CFAP47: variants seen among roughly 807,000 people sequenced by gnomAD.
CFAP47 encodes the protein cilia- and flagella-associated protein 47.
Under a neutral mutation model 148.1 loss-of-function variants are expected in CFAP47, and 29 were observed. The ratio of observed to expected loss-of-function variants is 0.20; its 90% CI spans 0.15 to 0.27. The LOEUF (loss-of-function observed/expected upper bound fraction) is 0.27, where lower values mean the gene tolerates loss of function less well. Ranked by LOEUF, CFAP47 falls within the 10% of genes least tolerant of loss-of-function variation. The pLI is 1.00. For missense variants in CFAP47, 1,872 were observed against 1,697.5 expected (o/e 1.10, Z -1.81); for synonymous variants, 664 against 577.3 (o/e 1.15, Z -2.15).
chrX:36,225,400 A>G (rs1268582638), intron 45 of CFAP47, among the ~76,000 whole-genome samples: 9 of 112,054 alleles, frequency 8.0e-5, no homozygotes, highest in African/African-American at 2.9e-4. Context: ...AGAAAATGAC[A>G]GCACAGGGTA....
chrX:35,955,897 A>G, intron 7 of CFAP47, 64 bp from the exon 8 acceptor site: 6 of 1,177,887 alleles, frequency 5.1e-6, no homozygotes, highest in African/African-American at 1.8e-5. Context: ...CAAATAGACT[A>G]AGCAAATATA....
chrX:36,110,063 G>A (rs147349772), intron 33 of CFAP47, among the ~76,000 whole-genome samples: 5 of 111,426 alleles, frequency 4.5e-5, no homozygotes, highest in African/African-American at 6.5e-5. Context: ...TCTGTAGGTT[G>A]TCCGTTTACT....
chrX:36,232,990 T>C (rs1555993045), intron 46 of CFAP47, among the ~76,000 whole-genome samples: 1 of 112,095 alleles, frequency 8.9e-6, no homozygotes, highest in African/African-American at 3.2e-5. Context: ...CAGTTTGTTA[T>C]AATTTCTGTT....
rs1556024824 is a variant in CFAP47, at chrX:36,384,781, C to T, written c.9355-16C>T. 8.9e-7 allele frequency: 1 copy of T among 1,125,519 alleles called. No homozygotes were observed. Among genetic ancestry groups the T allele is most frequent in the East Asian group, 3.3e-5 (1 of 30,529 alleles). The allele number at this position is 1,125,519 out of a possible 1,213,427, so 92.8% of individuals were successfully genotyped here. A position where few individuals can be genotyped will look rare whatever the true frequency, so the allele number is the denominator to read the frequency against. On this transcript the variant is annotated splice_polypyrimidine_tract_variant and intron_variant, in intron 63 of 63. Coordinates refer to ENST00000378653, the MANE Select transcript of CFAP47 (RefSeq NM_001304548.2). ...CTGGATATTTCAAATGAAAATTTCTCCCTCTTTCTATCCAGACAGAAGAAA... is the reference window on the plus strand; with the variant it reads ...CTGGATATTTCAAATGAAAATTTCTTCCTCTTTCTATCCAGACAGAAGAAA...
At chrX:36,224,871 A>G (rs1389686847) in intron 45 of CFAP47, among the ~76,000 whole-genome samples, 1 of 111,888 alleles carries the variant, frequency 8.9e-6, no homozygotes, top group Non-Finnish European at 1.9e-5. Flanking sequence ...TGAACAAAAC[A>G]ATGGTATTGA....
intron 35 of CFAP47, among the ~76,000 whole-genome samples, chrX:36,143,699 G>T (rs1213245525): frequency 9.0e-6 from 1 of 111,600 alleles, no homozygotes; most frequent in South Asian, 3.7e-4. Context: ...TTCAGCTTAC[G>T]TTCTGGCTAT....
chrX:36,242,955 C>T (rs782015341), intron 48 of CFAP47, among the ~76,000 whole-genome samples: 1 of 111,619 alleles, frequency 9.0e-6, no homozygotes, highest in African/African-American at 3.3e-5. Flanking sequence ...ATAGAAAGGA[C>T]ACCTGATCGT....
intron 45 of CFAP47, among the ~76,000 whole-genome samples, chrX:36,223,293 G>T (rs1940233533): frequency 9.1e-6 from 1 of 110,434 alleles, no homozygotes; most frequent in Non-Finnish European, 1.9e-5. Context: ...AGGTAAGTTA[G>T]TCTTTTGACT....
intron 37 of CFAP47, among the ~76,000 whole-genome samples, chrX:36,151,247 A>T (rs1269982456): frequency 1.8e-5 from 2 of 112,251 alleles, no homozygotes; most frequent in African/African-American, 3.2e-5. Context: ...AATAAACAGG[A>T]TAACAAAAAT....
intron 22 of CFAP47, among the ~76,000 whole-genome samples, chrX:36,029,530 C>T (rs1205745668): frequency 9.0e-6 from 1 of 110,616 alleles, no homozygotes; most frequent in African/African-American, 3.3e-5. Flanking sequence ...GCAAACTTCC[C>T]TCTTAGCAAT....
chrX:36,306,974 C>A, intron 55 of CFAP47, 98 bp downstream of exon 55: 2 of 347,908 alleles, frequency 5.7e-6, no homozygotes, highest in Non-Finnish European at 4.6e-6. Context: ...TCATATTTTG[C>A]AAGTAAAACA....
chrX:36,224,385 G>A lies in CFAP47; in HGVS notation c.6818-4243G>A, dbSNP rs192309656. ...TGATTTTATCTTTTTCAGGTCACAA[G>A]TTTTATACATGTATGTTTCTCTGCA... On this transcript the variant is annotated intron_variant, in intron 45 of 63. Transcript: ENST00000378653. Among the ~76,000 whole-genome samples, 977 of 111,428 alleles carry A rather than the reference G, an allele frequency of 8.8e-3. 11 individuals are homozygous for A. The highest frequency in any genetic ancestry group is 0.03 in the African/African-American group (914 of 30,762).
chrX:36,105,647 C>G (rs764547642), intron 33 of CFAP47, among the ~76,000 whole-genome samples: 9 of 111,571 alleles, frequency 8.1e-5, no homozygotes, highest in African/African-American at 2.6e-4. Context: ...AATTGACATG[C>G]TGAAAATATC....
rs760933446 is a variant in CFAP47, at chrX:35,967,738, C to T, written c.1720C>T (p.Arg574Cys). 3 of 1,205,340 alleles carry T rather than the reference C, an allele frequency of 2.5e-6. No individual in the cohort carries two copies. Among genetic ancestry groups the T allele is most frequent in the South Asian group, 3.5e-5 (2 of 56,662 alleles). ...QSAMTRTHNHRSCEEPVKDML... is the reference protein window; with the variant it reads ...QSAMTRTHNHCSCEEPVKDML... Reference sequence around the variant, plus strand: ...AGCCATGACACGCACTCACAATCATCGCTCATGTGAAGAGCCAGTGAAGGA... The same window carrying T: ...AGCCATGACACGCACTCACAATCATTGCTCATGTGAAGAGCCAGTGAAGGA... The change falls in exon 10 of 64, where the codon CGC becomes TGC. Residue 574 changes from arginine to cysteine, a missense_variant. Transcript: ENST00000378653.
intron 13 of CFAP47, 32 bp from the exon 14 acceptor site, chrX:35,975,115 A>G: frequency 1.1e-6 from 1 of 915,272 alleles, no homozygotes; most frequent in East Asian, 3.4e-5. Context: ...GCCATCTTTA[A>G]ACTTAACAAA....
At position 36,233,333 on chromosome X, in the gene CFAP47, CTCT is replaced by C. The variant is rs782640325; in HGVS notation, c.7015-2596_7015-2594del. Reference sequence around the variant, plus strand: ...GTGCATATATATTTAGGATAGTTAGCTCTTCTTGTTGAATTGATCCCTTTACCA... The same window carrying C: ...GTGCATATATATTTAGGATAGTTAGCTCTTGTTGAATTGATCCCTTTACCA... On this transcript the variant is annotated intron_variant, in intron 46 of 63. Coordinates refer to ENST00000378653, the MANE Select transcript of CFAP47 (RefSeq NM_001304548.2). Among the ~76,000 whole-genome samples, 163 of 111,823 alleles carry C rather than the reference CTCT, an allele frequency of 1.5e-3. 1 individual carries two copies. The highest frequency in any genetic ancestry group is 2.7e-3 in the Non-Finnish European group (144 of 53,181).
At chrX:35,969,638 C>T (rs1472316261) in intron 10 of CFAP47, among the ~76,000 whole-genome samples, 1 of 111,645 alleles carries the variant, frequency 9.0e-6, no homozygotes, top group Non-Finnish European at 1.9e-5. Context: ...TTATCCTTCT[C>T]TCCTTGTTAG....
At chrX:35,973,260 G>A (rs753308101) in intron 13 of CFAP47, among the ~76,000 whole-genome samples, 17 of 111,244 alleles carry the variant, frequency 1.5e-4, no homozygotes, top group African/African-American at 5.6e-4. Context: ...TGTGATCTCA[G>A]CTCACTTCAA....
chrX:36,094,712 G>A (rs1415170486), intron 30 of CFAP47, among the ~76,000 whole-genome samples: 2 of 111,045 alleles, frequency 1.8e-5, no homozygotes, highest in East Asian at 5.6e-4. Context: ...ATTGAATTTT[G>A]TATGTTGATT....
Sources: allele counts gnomAD v4.1 joint callset (sites outside exome capture counted in the v4.1 genomes callset), GRCh38; gene constraint gnomAD v4.1.1; transcripts MANE v1.5; gene names NCBI Gene and HGNC (gene_info 2026-07-23, HGNC 2026-07-21).